Variants in CNTN4 observed in about 807,000 individuals in gnomAD.
CNTN4 encodes the protein contactin 4.
CNTN4 carries 77 observed loss-of-function variants against 122.5 expected under a neutral mutation model. The ratio of observed to expected loss-of-function variants is 0.63; its 90% CI spans 0.52 to 0.76. CNTN4 has a LOEUF of 0.76. Among genes scored for constraint, CNTN4 ranks in the 30% least tolerant of loss-of-function variants. The pLI, the probability that CNTN4 is intolerant of heterozygous loss-of-function variation, is 0.00. For missense variants in CNTN4, 1,256 were observed against 1,259.1 expected (o/e 1.00, Z 0.04); for synonymous variants, 512 against 447.0 (o/e 1.15, Z -1.83).
chr3:2,245,684 CG>C (rs1488199729), intron 2 of CNTN4, among the ~76,000 whole-genome samples: 1 of 151,710 alleles, frequency 6.6e-6, no homozygotes, highest in Non-Finnish European at 1.5e-5. Context: ...AATTGGTGTA[CG>C]TATTTTCTTT....
At chr3:2,492,497 A>G (rs970924148) in intron 3 of CNTN4, among the ~76,000 whole-genome samples, 1 of 152,158 alleles carries the variant, frequency 6.6e-6, no homozygotes, top group African/African-American at 2.4e-5. Context: ...AGCAGATTCT[A>G]CTTTTAGGTA....
At chr3:2,382,230 CGCGATCTCA>C (rs2046054371) in intron 3 of CNTN4, among the ~76,000 whole-genome samples, 1 of 149,174 alleles carries the variant, frequency 6.7e-6, no homozygotes, top group Non-Finnish European at 1.5e-5. Context: ...AGTGCAGTGG[CGCGATCTCA>C]GCTCACTGCA....
At chr3:2,509,028 A>C (rs1327868971) in intron 3 of CNTN4, among the ~76,000 whole-genome samples, 1 of 152,248 alleles carries the variant, frequency 6.6e-6, no homozygotes, top group Non-Finnish European at 1.5e-5. Flanking sequence ...GGCAAAGTGA[A>C]TCTATTACAT....
chr3:2,384,849 CT>C (rs886330833), intron 3 of CNTN4, among the ~76,000 whole-genome samples: 4 of 151,988 alleles, frequency 2.6e-5, no homozygotes, highest in Non-Finnish European at 5.9e-5. Flanking sequence ...TTTTACCTAT[CT>C]TTTTTTAACC....
intron 3 of CNTN4, among the ~76,000 whole-genome samples, chr3:2,379,018 G>A (rs892413084): frequency 6.6e-6 from 1 of 152,056 alleles, no homozygotes; most frequent in Non-Finnish European, 1.5e-5. Flanking sequence ...TGCCATGTAG[G>A]TTAAATGAAG....
rs571592027 is a variant in CNTN4, at chr3:2,788,909, A to G, written c.359-30577A>G. On this transcript the variant is annotated intron_variant, in intron 6 of 24. Transcript: ENST00000418658. ...CAGTCAAAGACTTTGGTCTTTACAT[A>G]GATGAGCATATCAATCTTCTAAGAG... Among the ~76,000 whole-genome samples, 140 of 152,344 alleles carry G rather than the reference A, an allele frequency of 9.2e-4. 1 individual carries two copies. The highest frequency in any genetic ancestry group is 3.1e-3 in the African/African-American group (131 of 41,590).
intron 3 of CNTN4, among the ~76,000 whole-genome samples, chr3:2,421,067 A>G (rs539027508): frequency 4.1e-4 from 63 of 152,166 alleles, no homozygotes; most frequent in Non-Finnish European, 7.9e-4. Context: ...ACTGGCAAAC[A>G]CATGCCCTGT....
chr3:2,101,324 G>T (rs76041167), intron 2 of CNTN4, among the ~76,000 whole-genome samples: 10,938 of 152,176 alleles, frequency 0.072, 614 homozygotes, highest in African/African-American at 0.15. Flanking sequence ...AAATAAAGCT[G>T]CTCAGCAGAA....
At chr3:2,561,365 A>G (rs545730177) in intron 3 of CNTN4, among the ~76,000 whole-genome samples, 2 of 152,150 alleles carry the variant, frequency 1.3e-5, no homozygotes, top group African/African-American at 4.8e-5. Flanking sequence ...TAGAAGCTTT[A>G]AGAGTTTGCA....
At chr3:3,020,468 G>A (rs1336914472) in intron 14 of CNTN4, among the ~76,000 whole-genome samples, 1 of 152,204 alleles carries the variant, frequency 6.6e-6, no homozygotes, top group Admixed American at 6.5e-5. Flanking sequence ...GAACAGGGTG[G>A]CCAGGAAGGG....
At chr3:2,879,353 A>G (rs573723238) in intron 8 of CNTN4, among the ~76,000 whole-genome samples, 265 of 152,310 alleles carry the variant, frequency 1.7e-3, no homozygotes, top group African/African-American at 6.0e-3. Flanking sequence ...ACCTTTATTT[A>G]TGACTTCTAT....
At chr3:2,101,764 G>T (rs1574822637) in intron 2 of CNTN4, among the ~76,000 whole-genome samples, 1 of 149,406 alleles carries the variant, frequency 6.7e-6, no homozygotes, top group African/African-American at 2.5e-5. Flanking sequence ...AACACACAAA[G>T]AAACAAAAAA....
chr3:2,279,156 C>G (rs1199392043), intron 2 of CNTN4, among the ~76,000 whole-genome samples: 3 of 151,852 alleles, frequency 2.0e-5, no homozygotes, highest in African/African-American at 7.3e-5. Context: ...ATAAAAACAT[C>G]CAAATAAATA....
At chr3:3,008,796 CA>C (rs1437609904) in intron 14 of CNTN4, among the ~76,000 whole-genome samples, 32 of 152,230 alleles carry the variant, frequency 2.1e-4, no homozygotes, top group African/African-American at 7.7e-4. Flanking sequence ...ACTTTTAATG[CA>C]ATTTAAAACG....
At chr3:2,528,839 T>TTA (rs1035973436) in intron 3 of CNTN4, among the ~76,000 whole-genome samples, 1 of 152,048 alleles carries the variant, frequency 6.6e-6, no homozygotes, top group Non-Finnish European at 1.5e-5. Flanking sequence ...TGAGACATAA[T>TTA]TATATATATT....
intron 2 of CNTN4, among the ~76,000 whole-genome samples, chr3:2,194,913 T>G (rs992770202): frequency 6.6e-6 from 1 of 152,148 alleles, no homozygotes; most frequent in African/African-American, 2.4e-5. Context: ...AACTCTGTTG[T>G]TTTAAGCCAC....
chr3:2,809,542 A>G (rs1390563881), intron 6 of CNTN4, among the ~76,000 whole-genome samples: 1 of 152,194 alleles, frequency 6.6e-6, no homozygotes, highest in Non-Finnish European at 1.5e-5. Flanking sequence ...TCTGAAATTG[A>G]CCAGGCCAAA....
chr3:2,924,720 T>C (rs1398597519), intron 12 of CNTN4, among the ~76,000 whole-genome samples: 1 of 152,204 alleles, frequency 6.6e-6, no homozygotes, highest in Non-Finnish European at 1.5e-5. Flanking sequence ...TCTCAACACC[T>C]ACACTCCAAG....
intron 13 of CNTN4, among the ~76,000 whole-genome samples, chr3:2,966,985 G>A (rs947553445): frequency 2.0e-5 from 3 of 152,280 alleles, no homozygotes; most frequent in South Asian, 4.1e-4. Flanking sequence ...CCTAGACAGA[G>A]CAGATTTATC....
Sources: allele counts gnomAD v4.1 joint callset (sites outside exome capture counted in the v4.1 genomes callset), GRCh38; gene constraint gnomAD v4.1.1; transcripts MANE v1.5; gene names NCBI Gene and HGNC (gene_info 2026-07-23, HGNC 2026-07-21).